TMC1: variants seen among roughly 807,000 people sequenced by gnomAD.
TMC1 encodes transmembrane channel like 1, also known as transmembrane channel-like protein 1.
Under a neutral mutation model 105.8 loss-of-function variants are expected in TMC1, and 84 were observed. That is an observed-to-expected ratio of 0.79 (90% confidence interval 0.67 to 0.95). The LOEUF is 0.95. Among genes scored for constraint, TMC1 ranks in the 40% least tolerant of loss-of-function variants. The pLI, the probability that TMC1 is intolerant of heterozygous loss-of-function variation, is 0.00. For missense variants in TMC1, 817 were observed against 914.1 expected, an observed-to-expected ratio of 0.89 and a Z score of 1.37; for synonymous variants, 315 against 311.5, an observed-to-expected ratio of 1.01 and a Z score of -0.12.
intron 17 of TMC1, among the ~76,000 whole-genome samples, chr9:72,804,974 T>A (rs1828546958): frequency 6.6e-6 from 1 of 152,228 alleles, no homozygotes; most frequent in Non-Finnish European, 1.5e-5. Context: ...TCATACTGAT[T>A]TGTAAAATCT....
chr9:72,661,611 T>C (rs905678763), intron 5 of TMC1, among the ~76,000 whole-genome samples: 1 of 152,208 alleles, frequency 6.6e-6, no homozygotes, highest in African/African-American at 2.4e-5. Context: ...ACCAGTTACA[T>C]GTGACTCATC....
chr9:72,762,594 G>A (rs1827773895), intron 12 of TMC1, among the ~76,000 whole-genome samples: 1 of 152,168 alleles, frequency 6.6e-6, no homozygotes, highest in Admixed American at 6.5e-5. Flanking sequence ...ATGACCCCAA[G>A]CGAGACTGCT....
chr9:72,624,404 T>TC (rs1825310050), intron 3 of TMC1, among the ~76,000 whole-genome samples: 1 of 152,174 alleles, frequency 6.6e-6, no homozygotes, highest in Non-Finnish European at 1.5e-5. Context: ...TACATTTTTT[T>TC]CCCCACACCT....
chr9:72,738,116 GTGGTCAATGCAA>G (rs1382368236), intron 8 of TMC1, among the ~76,000 whole-genome samples: 1 of 140,430 alleles, frequency 7.1e-6, no homozygotes, highest in East Asian at 2.3e-4. Flanking sequence ...AACACTCCCT[GTGGTCAATGCAA>G]TGGTCAATGC....
intron 13 of TMC1, among the ~76,000 whole-genome samples, chr9:72,787,630 T>C (rs1006458026): frequency 6.6e-6 from 1 of 151,482 alleles, no homozygotes; most frequent in Non-Finnish European, 1.5e-5. Flanking sequence ...TTTTAAGCTC[T>C]TCATGCAAAT....
chr9:72,583,324 C>A (rs919138292), intron 2 of TMC1, among the ~76,000 whole-genome samples: 10 of 152,144 alleles, frequency 6.6e-5, no homozygotes, highest in Non-Finnish European at 1.2e-4. Flanking sequence ...ATAATTTTGA[C>A]ACCTACTTCT....
intron 1 of TMC1, among the ~76,000 whole-genome samples, chr9:72,575,748 C>G (rs546320636): frequency 1.3e-5 from 2 of 152,270 alleles, no homozygotes; most frequent in South Asian, 4.1e-4. Flanking sequence ...GGTCCTTGAT[C>G]TGGTCTTTCT....
chr9:72,800,829 G>C (rs1828458175), intron 17 of TMC1, among the ~76,000 whole-genome samples: 1 of 152,116 alleles, frequency 6.6e-6, no homozygotes. Flanking sequence ...CTGGAATGTT[G>C]ATTAGGCAGA....
chr9:72,695,925 CA>C (rs2132190882), intron 7 of TMC1, among the ~76,000 whole-genome samples: 2 of 152,116 alleles, frequency 1.3e-5, no homozygotes, highest in South Asian at 4.2e-4. Flanking sequence ...TTATTCCTTT[CA>C]AAAATAAAAT....
chr9:72,555,904 A>AGCCACT (rs1447053918), intron 1 of TMC1, among the ~76,000 whole-genome samples: 2 of 142,704 alleles, frequency 1.4e-5, no homozygotes, highest in Admixed American at 7.5e-5. Context: ...TAGAGGCATG[A>AGCCACT]GCCACTGCAC....
At chr9:72,539,238 A>AC (rs1004304713) in intron 1 of TMC1, among the ~76,000 whole-genome samples, 9 of 143,438 alleles carry the variant, frequency 6.3e-5, no homozygotes, top group South Asian at 2.2e-4. Flanking sequence ...CAAAAAAAAA[A>AC]CAACAACAAA....
intron 3 of TMC1, among the ~76,000 whole-genome samples, chr9:72,625,872 CT>C (rs1319029415): frequency 6.6e-6 from 1 of 152,030 alleles, no homozygotes; most frequent in Admixed American, 6.6e-5. Context: ...CGCAGAGTAA[CT>C]TTGTCTGAGG....
At chr9:72,812,690 T>C (rs1828725514) in intron 18 of TMC1, among the ~76,000 whole-genome samples, 1 of 152,228 alleles carries the variant, frequency 6.6e-6, no homozygotes, top group Non-Finnish European at 1.5e-5. Context: ...GCCACTGCTC[T>C]GGAGCCACAG....
chr9:72,600,856 C>T (rs1010280264), intron 2 of TMC1, among the ~76,000 whole-genome samples: 9 of 152,200 alleles, frequency 5.9e-5, no homozygotes, highest in African/African-American at 2.2e-4. Flanking sequence ...CTGGGTTCCA[C>T]CCCCAGAGCT....
At chr9:72,715,894 G>A (rs1826909154) in intron 8 of TMC1, among the ~76,000 whole-genome samples, 1 of 152,128 alleles carries the variant, frequency 6.6e-6, no homozygotes, top group South Asian at 2.1e-4. Context: ...CCATCTTCGT[G>A]GATTTATCTA....
At chr9:72,665,975 T>C (rs1020620803) in intron 5 of TMC1, among the ~76,000 whole-genome samples, 2 of 152,192 alleles carry the variant, frequency 1.3e-5, no homozygotes, top group Non-Finnish European at 2.9e-5. Context: ...AGTTCCTCCA[T>C]GGCCTTTGGT....
At chr9:72,670,500 T>G (rs1826111772) in intron 5 of TMC1, among the ~76,000 whole-genome samples, 1 of 152,178 alleles carries the variant, frequency 6.6e-6, no homozygotes, top group Admixed American at 6.5e-5. Context: ...TCATAATGTC[T>G]AATATGCAAC....
intron 8 of TMC1, among the ~76,000 whole-genome samples, chr9:72,715,240 T>C (rs1413223491): frequency 1.3e-5 from 2 of 152,178 alleles, no homozygotes; most frequent in Admixed American, 6.5e-5. Context: ...TTACATGTAT[T>C]GGGGTTGCTC....
chr9:72,555,006 G>A (rs1823906877), intron 1 of TMC1, among the ~76,000 whole-genome samples: 1 of 152,060 alleles, frequency 6.6e-6, no homozygotes, highest in African/African-American at 2.4e-5. Context: ...AGTCTTCTGA[G>A]TAGCTGGGAT....
Sources: allele counts gnomAD v4.1 joint callset (sites outside exome capture counted in the v4.1 genomes callset), GRCh38; gene constraint gnomAD v4.1.1; transcripts MANE v1.5; gene names NCBI Gene and HGNC (gene_info 2026-07-23, HGNC 2026-07-21).